The following EPC1 variants were observed in gnomAD, a reference collection of about 807,000 sequenced individuals.
EPC1 encodes the protein enhancer of polycomb 1.
In EPC1, 12 loss-of-function variants were observed where a neutral mutation model predicts 98.4. That is an observed-to-expected ratio of 0.12 (90% confidence interval 0.08 to 0.20). EPC1 has a LOEUF of 0.20. Among genes scored for constraint, EPC1 ranks in the 10% least tolerant of loss-of-function variants. The probability of loss-of-function intolerance (pLI) is 1.00; values close to 1 mark genes in which losing one functional copy is unlikely to be tolerated. For missense variants in EPC1, 729 were observed against 990.5 expected (o/e 0.74, Z 3.54); for synonymous variants, 357 against 363.9 (o/e 0.98, Z 0.21).
At chr10:32,322,958 T>C (rs1414095688) in intron 1 of EPC1, among the ~76,000 whole-genome samples, 1 of 152,158 alleles carries the variant, frequency 6.6e-6, no homozygotes, top group Admixed American at 6.5e-5. Context: ...CCATGATTTA[T>C]TGTATATTTC....
intron 1 of EPC1, among the ~76,000 whole-genome samples, chr10:32,369,289 G>A (rs1178136637): frequency 6.6e-6 from 1 of 152,338 alleles, no homozygotes. Flanking sequence ...AGGTTAGGAA[G>A]TGCAAAATCC....
chr10:32,345,619 AG>A (rs1274900873), intron 1 of EPC1: 1 of 985,310 alleles, frequency 1.0e-6, no homozygotes, highest in African/African-American at 1.7e-5. Context: ...TATACTGTCA[AG>A]GATCTGGGGG....
At chr10:32,372,104 C>G (rs933585705) in intron 1 of EPC1, among the ~76,000 whole-genome samples, 4 of 152,166 alleles carry the variant, frequency 2.6e-5, no homozygotes, top group African/African-American at 9.7e-5. Flanking sequence ...CTCTGATACT[C>G]TAGAGCAGTG....
In EPC1 at chr10:32,340,962, A is replaced by G. The variant is rs568956130; in HGVS notation, c.153+5801T>C. 2.0e-5 allele frequency among the ~76,000 whole-genome samples: 3 copies of G among 152,346 alleles called. No homozygotes were observed. In the South Asian group the frequency reaches 6.2e-4, roughly 32 times the overall value. On this transcript the variant is annotated intron_variant, in intron 1 of 13. Transcript: ENST00000319778. Reference sequence around the variant, plus strand: ...AATGCAAGTCACACTTCAGTGTTCCAAAAGTCTACTTTAAAAGTAAATACA... The same window carrying G: ...AATGCAAGTCACACTTCAGTGTTCCGAAAGTCTACTTTAAAAGTAAATACA...
At position 32,285,053 on chromosome 10, in the gene EPC1, A is replaced by G; in HGVS notation, c.1392-3T>C. On this transcript the variant is annotated splice_polypyrimidine_tract_variant and splice_region_variant and intron_variant, in intron 9 of 13. Coordinates refer to ENST00000319778, the MANE Select transcript of EPC1 (RefSeq NM_001272004.3). ...AATGAGCTCTGTCCAGTAAGACCCT[A>G]TTAAAAAATCAGACAAGAAACAGTT... 6.3e-7 allele frequency: 1 copy of G among 1,596,086 alleles called. No individual in the cohort carries two copies. Among genetic ancestry groups the G allele is most frequent in the Non-Finnish European group, 8.5e-7 (1 of 1,169,700 alleles).
chr10:32,294,989 T>C (rs1208100471), intron 2 of EPC1, among the ~76,000 whole-genome samples: 2 of 152,178 alleles, frequency 1.3e-5, no homozygotes, highest in Non-Finnish European at 2.9e-5. Flanking sequence ...TTATTCTTTT[T>C]AGCACCCAGC....
Position 32,347,152 on chromosome 10 carries a change from C to G in EPC1, c.-237G>C. On this transcript the variant is annotated 5_prime_UTR_variant, in exon 1 of 14. Transcript: ENST00000319778. ...GGCCAACATGGCGGACATTAAAACT[C>G]CACTGTGCGCTCTTCAGCCAACCCC... 2 of 1,404,916 alleles carry G rather than the reference C, an allele frequency of 1.4e-6. No individual in the cohort carries two copies. Among genetic ancestry groups the G allele is most frequent in the East Asian group, 2.7e-5 (1 of 36,914 alleles). 87.0% of individuals were successfully genotyped at this position (1,404,916 alleles called of 1,614,324 possible). A position where few individuals can be genotyped will look rare whatever the true frequency, so the allele number is the denominator to read the frequency against.
chr10:32,360,385 G>A (rs116134253), intron 1 of EPC1, among the ~76,000 whole-genome samples: 1,801 of 152,322 alleles, frequency 0.012, 40 homozygotes, highest in African/African-American at 0.042. Context: ...CTCCCAGGGG[G>A]TCAAGGCCTC....
At chr10:32,336,004 G>A (rs1349172584) in intron 1 of EPC1, among the ~76,000 whole-genome samples, 1 of 151,272 alleles carries the variant, frequency 6.6e-6, no homozygotes, top group Non-Finnish European at 1.5e-5. Context: ...GCTCCCGGAT[G>A]TCTTCTTTCC....
At chr10:32,314,791 G>GT (rs1156411730) in intron 1 of EPC1, among the ~76,000 whole-genome samples, 1 of 152,200 alleles carries the variant, frequency 6.6e-6, no homozygotes, top group African/African-American at 2.4e-5. Flanking sequence ...GGAGGCATAG[G>GT]TTTTGCTAAT....
intron 1 of EPC1, among the ~76,000 whole-genome samples, chr10:32,311,154 C>CA (rs1256477023): frequency 1.0e-4 from 15 of 150,086 alleles, no homozygotes; most frequent in Middle Eastern, 3.4e-3. Context: ...ACTAAAAATA[C>CA]AAAAAAAAAT....
chr10:32,338,077 A>C (rs1448213165), intron 1 of EPC1, among the ~76,000 whole-genome samples: 2 of 152,222 alleles, frequency 1.3e-5, no homozygotes, highest in African/African-American at 2.4e-5. Flanking sequence ...CACTTCTAGC[A>C]CAAACTGCTC....
chr10:32,361,177 G>A (rs1839433010), intron 1 of EPC1, among the ~76,000 whole-genome samples: 1 of 152,186 alleles, frequency 6.6e-6, no homozygotes, highest in South Asian at 2.1e-4. Flanking sequence ...GTTGTGTAGT[G>A]GTTAAAAGGT....
At chr10:32,291,079 T>C in intron 6 of EPC1, 84 bp downstream of exon 6, 4 of 1,290,832 alleles carry the variant, frequency 3.1e-6, no homozygotes, top group Non-Finnish European at 2.2e-6. Flanking sequence ...GCCCGGCCTA[T>C]GTGTGTTTTT....
At chr10:32,293,558 T>A in intron 3 of EPC1, 34 bp downstream of exon 3, 1 of 1,592,798 alleles carries the variant, frequency 6.3e-7, no homozygotes. Context: ...ACATAGAATA[T>A]GTATATACTT....
intron 1 of EPC1, among the ~76,000 whole-genome samples, chr10:32,353,963 C>T (rs1009329024): frequency 1.3e-5 from 2 of 152,044 alleles, no homozygotes; most frequent in Non-Finnish European, 2.9e-5. Flanking sequence ...TTGTTTTTTT[C>T]ATCTAGGAAA....
chr10:32,357,684 T>G (rs542762965), intron 1 of EPC1, among the ~76,000 whole-genome samples: 1 of 152,182 alleles, frequency 6.6e-6, no homozygotes, highest in East Asian at 1.9e-4. Context: ...GATCTTGCAC[T>G]CCTGACCTCA....
At chr10:32,275,268 A>G (rs1386605498) in intron 10 of EPC1, among the ~76,000 whole-genome samples, 1 of 152,258 alleles carries the variant, frequency 6.6e-6, no homozygotes, top group Non-Finnish European at 1.5e-5. Flanking sequence ...CTTAATCCTG[A>G]GTCTTTGAAG....
At chr10:32,318,524 A>G (rs1223815930) in intron 1 of EPC1, among the ~76,000 whole-genome samples, 2 of 152,142 alleles carry the variant, frequency 1.3e-5, no homozygotes, top group African/African-American at 4.8e-5. Flanking sequence ...CAGAATTCTG[A>G]ACTCTAGACA....
Sources: allele counts gnomAD v4.1 joint callset (sites outside exome capture counted in the v4.1 genomes callset), GRCh38; gene constraint gnomAD v4.1.1; transcripts MANE v1.5; gene names NCBI Gene and HGNC (gene_info 2026-07-23, HGNC 2026-07-21).